The following PDE4D variants were observed in gnomAD, a reference collection of about 807,000 sequenced individuals.
PDE4D encodes phosphodiesterase 4D, also known as 3',5'-cyclic-AMP phosphodiesterase 4D.
In PDE4D, 24 loss-of-function variants were observed where a neutral mutation model predicts 87.4. The ratio of observed to expected loss-of-function variants is 0.27; its 90% confidence interval spans 0.20 to 0.39. PDE4D has a LOEUF of 0.39. PDE4D is among the 10% of genes least tolerant of loss of function. PDE4D has a pLI of 1.00. For missense variants in PDE4D, 714 were observed against 1,041.0 expected, an observed-to-expected ratio of 0.69 and a Z score of 4.32; for synonymous variants, 384 against 383.2, an observed-to-expected ratio of 1.00 and a Z score of -0.02.
At chr5:59,766,586 T>G (rs756130099) in intron 1 of PDE4D, among the ~76,000 whole-genome samples, 1 of 152,160 alleles carries the variant, frequency 6.6e-6, no homozygotes, top group Non-Finnish European at 1.5e-5. Context: ...CATTCAGCAA[T>G]GGGTGCAATT....
intron 1 of PDE4D, among the ~76,000 whole-genome samples, chr5:59,678,974 C>A (rs577884358): frequency 4.6e-5 from 7 of 152,156 alleles, no homozygotes; most frequent in Non-Finnish European, 1.5e-5. Flanking sequence ...TTCTTTACCC[C>A]TTTCCTAGAC....
intron 1 of PDE4D, among the ~76,000 whole-genome samples, chr5:60,304,651 C>CAAAAAAAAAAAAAAAAAAAA (rs70975379): frequency 1.2e-4 from 7 of 60,058 alleles, no homozygotes; most frequent in African/African-American, 4.7e-4. Context: ...GACTCCGTCT[C>CAAAAAAAAAAAAAAAAAAAA]AAAAAAAAAA....
At position 58,973,925 on chromosome 5, in the gene PDE4D, T is replaced by G. The variant is rs1003126961; in HGVS notation, c.*739A>C. ...TATGAACTATAAGGTGCAAGTAAAA[T>G]TCATAAATTAGATTTTTATCCAGTG... is the stretch of plus-strand genomic sequence containing the variant. On this transcript the variant is annotated 3_prime_UTR_variant, in exon 15 of 15. Coordinates refer to ENST00000340635, the MANE Select transcript of PDE4D (RefSeq NM_001104631.2). 6 of 152,600 alleles carry G rather than the reference T, an allele frequency of 3.9e-5. No homozygotes were observed. The highest frequency in any genetic ancestry group is 1.2e-4 in the African/African-American group (5 of 41,436). The allele number at this position is 152,600 out of a possible 1,614,324, so 9.5% of individuals were successfully genotyped here.
At chr5:58,989,719 A>G (rs746002692) in intron 10 of PDE4D, 36 bp downstream of exon 10, 5 of 1,438,040 alleles carry the variant, frequency 3.5e-6, no homozygotes, top group Non-Finnish European at 4.8e-6. Flanking sequence ...TATGAGTGGC[A>G]AGTTAGTGTT....
At position 59,137,324 on chromosome 5, in the gene PDE4D, G is replaced by T. The variant is rs1368994145; in HGVS notation, c.808+43271C>A. Among the ~76,000 whole-genome samples, 3 of 152,274 alleles carry T rather than the reference G, an allele frequency of 2.0e-5. No individual in the cohort carries two copies. In the East Asian group the frequency reaches 5.8e-4, roughly 29 times the overall value. ...CAGGAGAAAAGAAGCTATTGTGAAA[G>T]AACTGTGAGGGAAGGAATTGGATAT... On this transcript the variant is annotated intron_variant, in intron 5 of 14. Coordinates refer to ENST00000340635, the MANE Select transcript of PDE4D (RefSeq NM_001104631.2).
intron 1 of PDE4D, among the ~76,000 whole-genome samples, chr5:59,401,118 A>G (rs1790533175): frequency 6.6e-6 from 1 of 152,304 alleles, no homozygotes; most frequent in South Asian, 2.1e-4. Context: ...CCTTCAGGCT[A>G]TGTGCACATG....
chr5:59,430,186 A>T (rs1795903404), intron 1 of PDE4D: 1 of 1,023,610 alleles, frequency 9.8e-7, no homozygotes, highest in Admixed American at 4.3e-5. Flanking sequence ...AATAAAAACT[A>T]ACTTCTCACC....
At chr5:59,540,955 A>G (rs11951879) in intron 1 of PDE4D, among the ~76,000 whole-genome samples, 6,561 of 152,172 alleles carry the variant, frequency 0.043, 207 homozygotes, top group Non-Finnish European at 0.067. Flanking sequence ...ATTTATTTCA[A>G]TATTCATTTT....
intron 5 of PDE4D, among the ~76,000 whole-genome samples, chr5:59,046,776 G>A (rs371622743): frequency 6.6e-6 from 1 of 152,328 alleles, no homozygotes; most frequent in African/African-American, 2.4e-5. Context: ...CAAAGAAAGA[G>A]GAGAAAGCTT....
rs569424597 is a variant in PDE4D at position 59,022,374 on chromosome 5, TTC to T, written c.921+16483_921+16484del. Among the ~76,000 whole-genome samples, 494 of 152,234 alleles carry T rather than the reference TTC, an allele frequency of 3.2e-3. 1 individual carries two copies. Among genetic ancestry groups the T allele is most frequent in the South Asian group, 7.1e-3 (34 of 4,816 alleles). On this transcript the variant is annotated intron_variant, in intron 6 of 14. Transcript: ENST00000340635. The stretch of plus-strand genomic sequence containing the variant: ...ACACTGCCTAATACGTCTTTCCTCT[TTC>T]TCTCTTTCTTTCCTTATATCTTCAT...
chr5:59,699,333 T>C (rs1464890113), intron 1 of PDE4D, among the ~76,000 whole-genome samples: 2 of 152,144 alleles, frequency 1.3e-5, no homozygotes, highest in African/African-American at 4.8e-5. Context: ...TGGTTATAAG[T>C]ACGTCAACAA....
intron 1 of PDE4D, among the ~76,000 whole-genome samples, chr5:60,278,568 CTTGTT>C (rs984483121): frequency 1.1e-4 from 17 of 151,842 alleles, no homozygotes; most frequent in Non-Finnish European, 1.8e-4. Context: ...CCATTAGGCT[CTTGTT>C]TTGTTTTGTT....
intron 6 of PDE4D, among the ~76,000 whole-genome samples, chr5:59,030,422 C>CAAAAAAAAAA (rs373275661): frequency 1.3e-3 from 73 of 58,244 alleles, no homozygotes; most frequent in East Asian, 2.4e-3. Context: ...AACAGAGATA[C>CAAAAAAAAAA]AAAAAAAAAA....
At chr5:60,435,495 T>G (rs77102207) in intron 1 of PDE4D, among the ~76,000 whole-genome samples, 4,166 of 152,194 alleles carry the variant, frequency 0.027, 91 homozygotes, top group Middle Eastern at 0.079. Context: ...TTTATGACAA[T>G]TGGTGTTAGT....
At chr5:59,154,389 T>A (rs770661989) in intron 5 of PDE4D, among the ~76,000 whole-genome samples, 2 of 152,158 alleles carry the variant, frequency 1.3e-5, no homozygotes, top group South Asian at 4.1e-4. Flanking sequence ...ATAGATGTGG[T>A]TTTATACTCT....
intron 1 of PDE4D, among the ~76,000 whole-genome samples, chr5:59,651,273 T>TAAG (rs1183611024): frequency 1.2e-4 from 10 of 85,942 alleles, no homozygotes; most frequent in Non-Finnish European, 2.7e-4. Context: ...ATAATAATAA[T>TAAG]AATAATAATA....
Position 58,972,350 on chromosome 5 carries a change from A to G in PDE4D, c.*2314T>C, listed in dbSNP as rs1018601961. 6 of 152,638 alleles carry G rather than the reference A, an allele frequency of 3.9e-5. No individual in the cohort carries two copies. Among genetic ancestry groups the G allele is most frequent in the Admixed American group, 6.5e-5 (1 of 15,268 alleles). The allele number at this position is 152,638 out of a possible 1,614,324, so 9.5% of individuals were successfully genotyped here. A position where few individuals can be genotyped will look rare whatever the true frequency, so the allele number is the denominator to read the frequency against. ...ACCATCTGATCTTTACAGAGGAAACAGAGTAGAAACCTTGCAATTAACTAG... is the reference window on the plus strand; with the variant it reads ...ACCATCTGATCTTTACAGAGGAAACGGAGTAGAAACCTTGCAATTAACTAG... On this transcript the variant is annotated 3_prime_UTR_variant, in exon 15 of 15. Transcript: ENST00000340635.
chr5:59,031,903 G>C (rs1466080555), intron 6 of PDE4D, among the ~76,000 whole-genome samples: 1 of 151,984 alleles, frequency 6.6e-6, no homozygotes, highest in Non-Finnish European at 1.5e-5. Flanking sequence ...CTCAGAAACA[G>C]AGAGTAGAAA....
intron 1 of PDE4D, among the ~76,000 whole-genome samples, chr5:59,450,490 A>G (rs546869358): frequency 8.2e-4 from 125 of 152,344 alleles, no homozygotes; most frequent in African/African-American, 2.9e-3. Context: ...TTCACAGCAT[A>G]AAGAATAAAA....
Sources: allele counts gnomAD v4.1 joint callset (sites outside exome capture counted in the v4.1 genomes callset), GRCh38; gene constraint gnomAD v4.1.1; transcripts MANE v1.5; gene names NCBI Gene and HGNC (gene_info 2026-07-23, HGNC 2026-07-21).